FAF1: variants seen among roughly 807,000 people sequenced by gnomAD.
FAF1 encodes Fas associated factor 1, also known as FAS-associated factor 1.
A neutral mutation model predicts 92.5 loss-of-function variants in FAF1; 25 were observed. The observed-to-expected ratio is 0.27, with a 90% CI of 0.20 to 0.38. The LOEUF (loss-of-function observed/expected upper bound fraction) is 0.38, where lower values mean the gene tolerates loss of function less well. Ranked by LOEUF, FAF1 falls within the 10% of genes least tolerant of loss-of-function variation. The probability of loss-of-function intolerance (pLI) is 1.00; values close to 1 mark genes in which losing one functional copy is unlikely to be tolerated. For synonymous variants in FAF1, 234 were observed against 273.2 expected, an observed-to-expected ratio of 0.86 and a Z score of 1.42; for missense variants, 636 against 793.3, an observed-to-expected ratio of 0.80 and a Z score of 2.38.
At chr1:50,810,595 G>A (rs1219024719) in intron 2 of FAF1, among the ~76,000 whole-genome samples, 2 of 152,142 alleles carry the variant, frequency 1.3e-5, no homozygotes, top group Admixed American at 1.3e-4. Context: ...TCAGGCAAGA[G>A]AAAGAAATAA....
chr1:50,490,954 T>C (rs546333386), intron 16 of FAF1, among the ~76,000 whole-genome samples: 2 of 152,300 alleles, frequency 1.3e-5, no homozygotes, highest in Non-Finnish European at 2.9e-5. Context: ...GGACATCCTT[T>C]GGTCTTCCTT....
chr1:50,752,688 T>A (rs762076017), intron 4 of FAF1, among the ~76,000 whole-genome samples: 1 of 152,118 alleles, frequency 6.6e-6, no homozygotes, highest in Non-Finnish European at 1.5e-5. Flanking sequence ...TTTTTTGGTT[T>A]TGTTTTGTTT....
chr1:50,766,809 A>C (rs1449646711), intron 4 of FAF1, among the ~76,000 whole-genome samples: 1 of 151,238 alleles, frequency 6.6e-6, no homozygotes. Flanking sequence ...AAAAAAAAAA[A>C]AAACCACACA....
chr1:50,846,936 A>G (rs1286510607), intron 2 of FAF1: 2 of 298,994 alleles, frequency 6.7e-6, no homozygotes, highest in Non-Finnish European at 1.3e-5. Context: ...CCTTTTATAT[A>G]TAAGAGTGTA....
At chr1:50,655,178 T>C (rs552042260) in intron 8 of FAF1, among the ~76,000 whole-genome samples, 1 of 152,206 alleles carries the variant, frequency 6.6e-6, no homozygotes, top group African/African-American at 2.4e-5. Context: ...GCCGCCACCA[T>C]GCCCAGCTAA....
intron 15 of FAF1, among the ~76,000 whole-genome samples, chr1:50,504,393 T>C (rs1469426169): frequency 6.7e-6 from 1 of 148,818 alleles, no homozygotes; most frequent in Non-Finnish European, 1.5e-5. Context: ...AGCTTGGACA[T>C]AGGTAAAGGG....
At chr1:50,922,900 G>A (rs955085860) in intron 1 of FAF1, among the ~76,000 whole-genome samples, 13 of 150,392 alleles carry the variant, frequency 8.6e-5, no homozygotes, top group South Asian at 2.1e-4. Context: ...AACTGCTCAT[G>A]AGACTAACAA....
At chr1:50,910,017 T>C (rs1327037226) in intron 1 of FAF1, among the ~76,000 whole-genome samples, 1 of 152,254 alleles carries the variant, frequency 6.6e-6, no homozygotes, top group Non-Finnish European at 1.5e-5. Flanking sequence ...TGTGTTTTTA[T>C]CTACCTTTGG....
chr1:50,553,336 A>G (rs2149047613), intron 13 of FAF1, among the ~76,000 whole-genome samples: 1 of 152,334 alleles, frequency 6.6e-6, no homozygotes, highest in Non-Finnish European at 1.5e-5. Flanking sequence ...AATTTTCTGG[A>G]GAACATGTCT....
At chr1:50,830,205 C>T (rs1271354152) in intron 2 of FAF1, among the ~76,000 whole-genome samples, 1 of 152,184 alleles carries the variant, frequency 6.6e-6, no homozygotes, top group Admixed American at 6.5e-5. Context: ...GCAACCTCCA[C>T]CTCCTGGATT....
intron 2 of FAF1, among the ~76,000 whole-genome samples, chr1:50,830,249 C>T (rs1017534858): frequency 1.3e-5 from 2 of 152,174 alleles, no homozygotes; most frequent in Admixed American, 6.5e-5. Context: ...TCCAGTGTAG[C>T]TGGGACTACA....
intron 15 of FAF1, among the ~76,000 whole-genome samples, chr1:50,518,604 C>T (rs935257066): frequency 6.6e-6 from 1 of 152,006 alleles, no homozygotes; most frequent in Non-Finnish European, 1.5e-5. Flanking sequence ...CCACGTCTGG[C>T]TAATTTTTTG....
intron 7 of FAF1, among the ~76,000 whole-genome samples, chr1:50,666,028 T>C (rs1301047766): frequency 1.3e-5 from 2 of 151,638 alleles, no homozygotes; most frequent in Non-Finnish European, 2.9e-5. Flanking sequence ...AATACAAAAA[T>C]TAGCTAGGCG....
intron 2 of FAF1, among the ~76,000 whole-genome samples, chr1:50,819,439 ACT>A (rs1427602039): frequency 6.7e-6 from 1 of 148,654 alleles, no homozygotes; most frequent in Non-Finnish European, 1.5e-5. Flanking sequence ...ATACAGCAAG[ACT>A]CTGTCTGTAG....
At chr1:50,693,813 C>T (rs1181512731) in intron 7 of FAF1, among the ~76,000 whole-genome samples, 1 of 152,030 alleles carries the variant, frequency 6.6e-6, no homozygotes, top group African/African-American at 2.4e-5. Context: ...ACACCCCTCT[C>T]TCTCACACAC....
rs370092938 is a variant in FAF1, at chr1:50,919,324, A to G, written c.45+40443T>C. Among the ~76,000 whole-genome samples, 6 of 152,218 alleles carry G rather than the reference A, an allele frequency of 3.9e-5. No individual in the cohort carries two copies. In the South Asian group the frequency reaches 6.2e-4, roughly 16 times the overall value. On this transcript the variant is annotated intron_variant, in intron 1 of 18. Coordinates refer to ENST00000396153, the MANE Select transcript of FAF1 (RefSeq NM_007051.3). ...CTAGATGGAACTGCTAATCTACACA[A>G]AGAGCATCAGAAATAGTAAATGTAA...
intron 15 of FAF1, among the ~76,000 whole-genome samples, chr1:50,502,966 G>A (rs1647010568): frequency 1.3e-5 from 2 of 151,848 alleles, no homozygotes; most frequent in Admixed American, 1.3e-4. Context: ...TTGGATTACA[G>A]GTGTGCACCA....
At chr1:50,707,569 C>A (rs1440764895) in intron 6 of FAF1, among the ~76,000 whole-genome samples, 1 of 151,778 alleles carries the variant, frequency 6.6e-6, no homozygotes, top group African/African-American at 2.4e-5. Flanking sequence ...GGGCGTCGTG[C>A]TGGGCTCCCA....
Position 50,582,827 on chromosome 1 carries a change from T to C in FAF1, c.1032-128A>G, listed in dbSNP as rs879243673. 2.3e-5 allele frequency: 14 copies of C among 619,826 alleles called. No homozygotes were observed. In the South Asian group the frequency reaches 2.8e-4, roughly 12 times the overall value. 38.4% of individuals were successfully genotyped at this position (619,826 alleles called of 1,614,324 possible). On this transcript the variant is annotated intron_variant, in intron 11 of 18. Coordinates refer to ENST00000396153, the MANE Select transcript of FAF1 (RefSeq NM_007051.3). Reference sequence around the variant, plus strand: ...TAGTGCATACTAAACATAAAAACATTTCTTTAAAAGCTTGGAAATGAGCTT... The same window carrying C: ...TAGTGCATACTAAACATAAAAACATCTCTTTAAAAGCTTGGAAATGAGCTT...
Sources: allele counts gnomAD v4.1 joint callset (sites outside exome capture counted in the v4.1 genomes callset), GRCh38; gene constraint gnomAD v4.1.1; transcripts MANE v1.5; gene names NCBI Gene and HGNC (gene_info 2026-07-23, HGNC 2026-07-21).